The following HDAC9 variants were observed in gnomAD, a reference collection of about 807,000 sequenced individuals.
HDAC9 encodes MEF-2 interacting transcription repressor (MITR) protein.
HDAC9 carries 41 observed loss-of-function variants against 139.4 expected under a neutral mutation model. That is an observed-to-expected ratio of 0.29 (90% CI 0.23 to 0.38). HDAC9 has a LOEUF of 0.38. HDAC9 is among the 10% of genes least tolerant of loss of function. The pLI, the probability that HDAC9 is intolerant of heterozygous loss-of-function variation, is 1.00. For synonymous variants in HDAC9, 517 were observed against 476.2 expected, an observed-to-expected ratio of 1.09 and a Z score of -1.12; for missense variants, 1,147 against 1,297.0, an observed-to-expected ratio of 0.88 and a Z score of 1.78.
At chr7:18,326,090 A>G (rs1012259239) in intron 1 of HDAC9, among the ~76,000 whole-genome samples, 1 of 152,120 alleles carries the variant, frequency 6.6e-6, no homozygotes, top group Non-Finnish European at 1.5e-5. Context: ...TTTTCAGGTG[A>G]TACATTAGAC....
chr7:18,269,665 T>G (rs1004264386), intron 2 of HDAC9, among the ~76,000 whole-genome samples: 1 of 151,768 alleles, frequency 6.6e-6, no homozygotes, highest in Admixed American at 6.6e-5. Context: ...GAGGTTGGAG[T>G]GAGTCATGAT....
At chr7:18,129,466 T>C (rs1784874989) in intron 1 of HDAC9, among the ~76,000 whole-genome samples, 1 of 152,168 alleles carries the variant, frequency 6.6e-6, no homozygotes, top group African/African-American at 2.4e-5. Context: ...TAGGGTCTTA[T>C]GTGTACTAAT....
At chr7:18,594,167 A>G in intron 6 of HDAC9, 138 bp downstream of exon 6, 1 of 740,842 alleles carries the variant, frequency 1.3e-6, no homozygotes, top group Non-Finnish European at 2.2e-6. Flanking sequence ...CAGCATAAGC[A>G]AACAATGCAC....
chr7:18,488,007 T>G (rs902114912), intron 1 of HDAC9, among the ~76,000 whole-genome samples: 1 of 152,072 alleles, frequency 6.6e-6, no homozygotes, highest in African/African-American at 2.4e-5. Context: ...AAATATTAAA[T>G]GTGCAGCTAC....
chr7:18,961,338 T>C (rs1248803483), intron 24 of HDAC9, among the ~76,000 whole-genome samples: 2 of 152,148 alleles, frequency 1.3e-5, no homozygotes, highest in African/African-American at 4.8e-5. Flanking sequence ...AGAAGTAGAA[T>C]TGGTATAATA....
chr7:18,513,614 C>A (rs1274260844), intron 2 of HDAC9, among the ~76,000 whole-genome samples: 2 of 152,286 alleles, frequency 1.3e-5, no homozygotes, highest in Non-Finnish European at 2.9e-5. Flanking sequence ...ATAAAGGCCA[C>A]TGTGGCTACA....
At chr7:18,145,933 C>T (rs915810607) in intron 1 of HDAC9, among the ~76,000 whole-genome samples, 4 of 152,022 alleles carry the variant, frequency 2.6e-5, no homozygotes, top group African/African-American at 2.4e-5. Flanking sequence ...AACAGAAAGA[C>T]CCCACAAAAG....
At chr7:18,086,939 C>T (rs1029968464), upstream of HDAC9, 1 of 146,080 alleles carries the variant, frequency 6.8e-6, no homozygotes, top group Admixed American at 6.8e-5. Flanking sequence ...CGGCGCGTCC[C>T]GCACATCGCG....
exon 2 of HDAC9, chr7:18,162,258 A>C (rs1215890283): frequency 7.0e-7 from 1 of 1,437,346 alleles, no homozygotes; most frequent in African/African-American, 1.4e-5. Flanking sequence ...CTCCTGGACC[A>C]TTGTCAGCAG....
chr7:18,602,771 T>G (rs944795852), intron 6 of HDAC9, among the ~76,000 whole-genome samples: 5 of 152,102 alleles, frequency 3.3e-5, no homozygotes, highest in African/African-American at 1.2e-4. Context: ...TTTCTGTTAT[T>G]TATTTTAATC....
intron 22 of HDAC9, among the ~76,000 whole-genome samples, chr7:18,895,415 AAG>A (rs1801095154): frequency 1.3e-5 from 2 of 152,116 alleles, no homozygotes; most frequent in African/African-American, 4.8e-5. Flanking sequence ...TGTGGCAGTA[AAG>A]AGAGTAAATT....
At chr7:18,661,202 A>G (rs1793023775) in intron 11 of HDAC9, among the ~76,000 whole-genome samples, 1 of 152,148 alleles carries the variant, frequency 6.6e-6, no homozygotes, top group Admixed American at 6.6e-5. Context: ...TTAAATGAAA[A>G]AGATGAGTGA....
chr7:18,348,548 A>T (rs1782601244), intron 1 of HDAC9, among the ~76,000 whole-genome samples: 1 of 152,122 alleles, frequency 6.6e-6, no homozygotes, highest in African/African-American at 2.4e-5. Flanking sequence ...TAATTTAATT[A>T]TTTCTATTAG....
chr7:18,908,115 A>T (rs967626023), intron 22 of HDAC9, among the ~76,000 whole-genome samples: 1 of 152,028 alleles, frequency 6.6e-6, no homozygotes, highest in African/African-American at 2.4e-5. Flanking sequence ...AAATGTCTCA[A>T]ATTATGCATA....
chr7:18,234,130 C>T (rs1793657995), intron 2 of HDAC9, among the ~76,000 whole-genome samples: 1 of 152,148 alleles, frequency 6.6e-6, no homozygotes, highest in African/African-American at 2.4e-5. Context: ...GAGCTTTCTC[C>T]CTTCCAGACA....
intron 2 of HDAC9, among the ~76,000 whole-genome samples, chr7:18,187,329 C>T (rs941471375): frequency 2.6e-5 from 4 of 152,206 alleles, no homozygotes; most frequent in African/African-American, 9.6e-5. Flanking sequence ...AGAGGCATGT[C>T]TGGCACATCC....
At chr7:18,643,799 T>C (rs1786489214) in intron 8 of HDAC9, among the ~76,000 whole-genome samples, 1 of 152,110 alleles carries the variant, frequency 6.6e-6, no homozygotes, top group Non-Finnish European at 1.5e-5. Flanking sequence ...TGTGTCATAC[T>C]GTTACATGGA....
intron 1 of HDAC9, among the ~76,000 whole-genome samples, chr7:18,118,991 T>A (rs1562639650): frequency 2.6e-5 from 4 of 152,200 alleles, no homozygotes; most frequent in Non-Finnish European, 1.5e-5. Context: ...TGAACCTGGC[T>A]TCTTTCAGAA....
chr7:18,347,459 A>T (rs1486841263), intron 1 of HDAC9, among the ~76,000 whole-genome samples: 1 of 152,216 alleles, frequency 6.6e-6, no homozygotes, highest in South Asian at 2.1e-4. Flanking sequence ...ACATTTGCTT[A>T]GATTTCTACC....
Sources: allele counts gnomAD v4.1 joint callset (sites outside exome capture counted in the v4.1 genomes callset), GRCh38; gene constraint gnomAD v4.1.1; transcripts MANE v1.5; gene names NCBI Gene and HGNC (gene_info 2026-07-23, HGNC 2026-07-21).